The following OTOF variants were observed in gnomAD, a reference collection of about 807,000 sequenced individuals.
The protein encoded by OTOF is otoferlin, also known as fer-1-like family member 2.
OTOF carries 218 observed loss-of-function variants against 236.8 expected under a neutral mutation model. The ratio of observed to expected loss-of-function variants is 0.92; its 90% confidence interval spans 0.82 to 1.03. OTOF has a LOEUF of 1.03. Ranked by LOEUF, OTOF falls within the 50% of genes least tolerant of loss-of-function variation. The pLI is 0.00. For synonymous variants in OTOF, 1,041 were observed against 1,072.5 expected, an observed-to-expected ratio of 0.97 and a Z score of 0.57; for missense variants, 2,590 against 2,694.4, an observed-to-expected ratio of 0.96 and a Z score of 0.86.
chr2:26,483,388 G>A (rs1415140904), intron 13 of OTOF, 74 bp downstream of exon 13: 10 of 1,381,828 alleles, frequency 7.2e-6, no homozygotes, highest in Non-Finnish European at 9.3e-6. Flanking sequence ...GCTGCCCCAG[G>A]CCCCACACCC....
intron 2 of OTOF, among the ~76,000 whole-genome samples, chr2:26,529,737 G>A (rs1479430973): frequency 2.6e-5 from 4 of 152,114 alleles, no homozygotes; most frequent in Admixed American, 2.6e-4. Flanking sequence ...GACTGGCAAG[G>A]GAGGACCTGG....
rs184359856 is a variant in OTOF, at chr2:26,463,818, T to C, written c.5103+146A>G. ...AAGACCCTTGCCATTCAAGTTACCC[T>C]GAGGGGCCTTGGTGGGAAGGTGCCT... On this transcript the variant is annotated intron_variant, in intron 40 of 46. Coordinates refer to ENST00000272371, the MANE Select transcript of OTOF (RefSeq NM_194248.3). 536 of 1,117,120 alleles carry C rather than the reference T, an allele frequency of 4.8e-4. 4 individuals are homozygous for C. The highest frequency in any genetic ancestry group is 3.1e-5 in the Non-Finnish European group (23 of 741,790). The allele number at this position is 1,117,120 out of a possible 1,614,324, so 69.2% of individuals were successfully genotyped here.
At chr2:26,553,199 C>T (rs1667505629) in intron 1 of OTOF, among the ~76,000 whole-genome samples, 2 of 152,178 alleles carry the variant, frequency 1.3e-5, no homozygotes, top group South Asian at 4.1e-4. Context: ...TGCTCCCTCC[C>T]TAGCTGGTCT....
At chr2:26,464,327 G>A (rs116682447) in intron 39 of OTOF, among the ~76,000 whole-genome samples, 2,227 of 152,050 alleles carry the variant, frequency 0.015, 18 homozygotes, top group Non-Finnish European at 0.02. Context: ...TTGGTCCTCT[G>A]CTTGGGGAAG....
At position 26,477,988 on chromosome 2, in the gene OTOF, T is replaced by C. The variant is rs1665404232; in HGVS notation, c.2215-239A>G. The C allele has an allele frequency of 6.9e-7, 1 of 1,458,554 alleles. No homozygotes were observed. Among genetic ancestry groups the C allele is most frequent in the South Asian group, 1.5e-5 (1 of 67,454 alleles). 90.4% of individuals were successfully genotyped at this position (1,458,554 alleles called of 1,614,324 possible). A position where few individuals can be genotyped will look rare whatever the true frequency, so the allele number is the denominator to read the frequency against. On this transcript the variant is annotated intron_variant, in intron 18 of 46. Coordinates refer to ENST00000272371, the MANE Select transcript of OTOF (RefSeq NM_194248.3). The surrounding 1 kb of genome is among the most constrained non-coding windows in gnomAD (Gnocchi z 4.7). ...AGTTCCTGAAGGAAGAAGCCACCTC[T>C]GGGCTGTGAGTCTGTGGCTCTGGTG... is the stretch of plus-strand genomic sequence containing the variant.
intron 3 of OTOF, among the ~76,000 whole-genome samples, chr2:26,519,679 A>T (rs1448127291): frequency 1.3e-5 from 2 of 152,224 alleles, no homozygotes; most frequent in East Asian, 3.8e-4. Flanking sequence ...CTGGCATCAA[A>T]GAGACAGGGA....
chr2:26,471,163 C>A lies in OTOF; in HGVS notation c.3865-13G>T, dbSNP rs1664957807. On this transcript the variant is annotated splice_polypyrimidine_tract_variant and intron_variant, in intron 30 of 46. Transcript: ENST00000272371. ...CAGCTTCAGAAGTCTGCAGAGGAACCAAGGAGACAGGGGCAGAATCAGCCA... is the reference window on the plus strand; with the variant it reads ...CAGCTTCAGAAGTCTGCAGAGGAACAAAGGAGACAGGGGCAGAATCAGCCA... 6.2e-7 allele frequency: 1 copy of A among 1,613,954 alleles called. No homozygotes were observed. Among genetic ancestry groups the A allele is most frequent in the African/African-American group, 1.3e-5 (1 of 74,936 alleles).
At chr2:26,497,973 G>T (rs980121041) in intron 8 of OTOF, among the ~76,000 whole-genome samples, 6 of 152,238 alleles carry the variant, frequency 3.9e-5, no homozygotes, top group Admixed American at 3.9e-4. Flanking sequence ...CACAACTAAT[G>T]CCCCCACCAA....
chr2:26,467,571 C>T, intron 33 of OTOF, 70 bp from the exon 34 acceptor site: 1 of 1,538,912 alleles, frequency 6.5e-7, no homozygotes, highest in Non-Finnish European at 8.9e-7. Context: ...CGAGACCCAG[C>T]TCTGTCGCTA....
At chr2:26,543,226 A>G (rs1348339540) in intron 1 of OTOF, among the ~76,000 whole-genome samples, 3 of 152,198 alleles carry the variant, frequency 2.0e-5, no homozygotes, top group Non-Finnish European at 4.4e-5. Flanking sequence ...ATGGAGCACC[A>G]GGAAGCAGGG....
chr2:26,467,051 G>C (rs1007790173), intron 35 of OTOF, 48 bp downstream of exon 35: 1 of 1,607,660 alleles, frequency 6.2e-7, no homozygotes, highest in Non-Finnish European at 8.5e-7. Context: ...CTGTGGGGGG[G>C]GCAAGGGCTG....
intron 2 of OTOF, among the ~76,000 whole-genome samples, chr2:26,535,487 C>A (rs1377182071): frequency 6.6e-6 from 1 of 152,164 alleles, no homozygotes; most frequent in African/African-American, 2.4e-5. Context: ...GCTCCCCACC[C>A]CACTAAATGC....
At chr2:26,501,703 C>T in intron 8 of OTOF, 51 bp downstream of exon 8, 1 of 1,268,676 alleles carries the variant, frequency 7.9e-7, no homozygotes, top group Non-Finnish European at 1.2e-6. Flanking sequence ...GGCTAGAATC[C>T]CCCACTAGAG....
chr2:26,465,378 C>T (rs1360044569), intron 38 of OTOF, among the ~76,000 whole-genome samples: 1 of 152,162 alleles, frequency 6.6e-6, no homozygotes, highest in East Asian at 1.9e-4. Context: ...CAGAGCTGGC[C>T]CAGATCCCCA....
At chr2:26,514,572 G>A (rs1357914316) in intron 5 of OTOF, among the ~76,000 whole-genome samples, 1 of 152,214 alleles carries the variant, frequency 6.6e-6, no homozygotes, top group African/African-American at 2.4e-5. Context: ...AGGGCTCCCA[G>A]GATGTTGTTT....
intron 1 of OTOF, among the ~76,000 whole-genome samples, chr2:26,539,327 G>T (rs1436548692): frequency 6.6e-6 from 1 of 151,866 alleles, no homozygotes; most frequent in Non-Finnish European, 1.5e-5. Context: ...CAATTCCATG[G>T]TAAGGGAAAA....
intron 38 of OTOF, among the ~76,000 whole-genome samples, chr2:26,465,389 G>A (rs1441815211): frequency 1.3e-5 from 2 of 152,178 alleles, no homozygotes; most frequent in Non-Finnish European, 2.9e-5. Flanking sequence ...CAGATCCCCA[G>A]GGGACTCTTT....
At chr2:26,537,996 A>T (rs985106563) in intron 1 of OTOF, among the ~76,000 whole-genome samples, 2 of 152,062 alleles carry the variant, frequency 1.3e-5, no homozygotes, top group African/African-American at 4.8e-5. Context: ...AAAGGCCATG[A>T]GTTCCATGTT....
intron 8 of OTOF, among the ~76,000 whole-genome samples, chr2:26,500,636 G>A (rs1666094642): frequency 6.6e-6 from 1 of 152,196 alleles, no homozygotes; most frequent in African/African-American, 2.4e-5. Flanking sequence ...GACATTGCCT[G>A]GGGCTGTTTT....
Sources: allele counts gnomAD v4.1 joint callset (sites outside exome capture counted in the v4.1 genomes callset), GRCh38; gene constraint gnomAD v4.1.1; non-coding constraint Gnocchi (gnomAD v3.1); transcripts MANE v1.5; gene names NCBI Gene and HGNC (gene_info 2026-07-23, HGNC 2026-07-21).